Variants in SPATS2 observed in about 807,000 individuals in gnomAD.
SPATS2 encodes spermatogenesis associated serine rich 2.
In SPATS2, 38 loss-of-function variants were observed where a neutral mutation model predicts 63.7. The observed-to-expected ratio is 0.60, with a 90% CI of 0.46 to 0.78. The LOEUF (loss-of-function observed/expected upper bound fraction) is 0.78, where lower values mean the gene tolerates loss of function less well. Among genes scored for constraint, SPATS2 ranks in the 30% least tolerant of loss-of-function variants. The pLI, the probability that SPATS2 is intolerant of heterozygous loss-of-function variation, is 0.00. For missense variants in SPATS2, 588 were observed against 666.2 expected (o/e 0.88, Z 1.29); for synonymous variants, 207 against 232.9 (o/e 0.89, Z 1.01).
chr12:49,370,404 G>T (rs1465746137), intron 1 of SPATS2, among the ~76,000 whole-genome samples: 5 of 152,148 alleles, frequency 3.3e-5, no homozygotes, highest in Non-Finnish European at 7.4e-5. Flanking sequence ...GGAAAAGCTT[G>T]TATTTTTTGG....
rs144847467 is a variant in SPATS2, at chr12:49,411,673, T to C, written c.-244+40383T>C. 3.9e-3 allele frequency among the ~76,000 whole-genome samples: 601 copies of C among 152,298 alleles called. 5 individuals carry two copies. The highest frequency in any genetic ancestry group is 0.014 in the African/African-American group (580 of 41,570). On this transcript the variant is annotated intron_variant, in intron 2 of 13. Transcript: ENST00000552918. ...GCTTAAAAAATCAAGCATTTGACAGTCTAGGAAAAAGTGAAAAAAGGTTAA... is the reference window on the plus strand; with the variant it reads ...GCTTAAAAAATCAAGCATTTGACAGCCTAGGAAAAAGTGAAAAAAGGTTAA...
chr12:49,503,005 C>T (rs943494421), intron 9 of SPATS2, among the ~76,000 whole-genome samples: 11 of 152,206 alleles, frequency 7.2e-5, no homozygotes, highest in African/African-American at 2.2e-4. Context: ...GGAGGAAGCA[C>T]CATGCCCTTT....
upstream of SPATS2, chr12:49,367,437 G>C: frequency 1.0e-5 from 4 of 400,646 alleles, no homozygotes; most frequent in East Asian, 1.4e-4. Context: ...GTCCGGCTCT[G>C]AGAGAGCTGG....
At chr12:49,472,339 T>C (rs2137759456) in intron 3 of SPATS2, among the ~76,000 whole-genome samples, 1 of 151,906 alleles carries the variant, frequency 6.6e-6, no homozygotes, top group South Asian at 2.1e-4. Flanking sequence ...AGGAAAGACT[T>C]TAAAAATAAA....
intron 9 of SPATS2, among the ~76,000 whole-genome samples, chr12:49,513,785 C>G (rs1379891410): frequency 6.6e-6 from 1 of 152,074 alleles, no homozygotes; most frequent in African/African-American, 2.4e-5. Flanking sequence ...TTACTATGCC[C>G]TAGTGGGGAT....
At chr12:49,473,275 A>G (rs867553352) in intron 3 of SPATS2, among the ~76,000 whole-genome samples, 3 of 151,936 alleles carry the variant, frequency 2.0e-5, no homozygotes, top group Non-Finnish European at 2.9e-5. Context: ...AATTAGCTGG[A>G]CGTGGTAACA....
At position 49,497,088 on chromosome 12, in the gene SPATS2, A is replaced by G. The variant is rs900396461; in HGVS notation, c.703+79A>G. 16 of 1,384,482 alleles carry G rather than the reference A, an allele frequency of 1.2e-5. No homozygotes were observed. In the African/African-American group the frequency reaches 1.7e-4, roughly 15 times the overall value. 85.8% of individuals were successfully genotyped at this position (1,384,482 alleles called of 1,614,324 possible). ...AAGAGGGCAAATTATCTCTGTTGCC[A>G]TAAATAAGGTTTCAGAAGGGCATCA... On this transcript the variant is annotated intron_variant, in intron 8 of 13. Transcript: ENST00000552918.
At chr12:49,382,702 T>TTTTG in intron 2 of SPATS2, among the ~76,000 whole-genome samples, 1 of 152,318 alleles carries the variant, frequency 6.6e-6, no homozygotes, top group East Asian at 1.9e-4. Flanking sequence ...TATTTTTGTA[T>TTTTG]TTTGTTTGTT....
intron 2 of SPATS2, chr12:49,389,590 A>G: frequency 2.8e-6 from 3 of 1,062,666 alleles, no homozygotes; most frequent in Non-Finnish European, 4.4e-6. Flanking sequence ...ACGACGATGC[A>G]GCAGAAACTC....
intron 2 of SPATS2, among the ~76,000 whole-genome samples, chr12:49,389,109 T>C (rs550989654): frequency 3.9e-5 from 6 of 152,304 alleles, no homozygotes; most frequent in African/African-American, 1.2e-4. Flanking sequence ...GCATACTTAC[T>C]GAAGTCCAAG....
chr12:49,432,795 A>G (rs901593026), intron 2 of SPATS2, among the ~76,000 whole-genome samples: 3 of 152,142 alleles, frequency 2.0e-5, no homozygotes, highest in Admixed American at 1.3e-4. Flanking sequence ...TCTTGTATGT[A>G]TATACCACAT....
At chr12:49,382,445 T>A (rs1039373695) in intron 2 of SPATS2, among the ~76,000 whole-genome samples, 1 of 152,258 alleles carries the variant, frequency 6.6e-6, no homozygotes, top group Non-Finnish European at 1.5e-5. Context: ...TTTTATACCG[T>A]ATGAAGTGCT....
chr12:49,509,015 G>A (rs1397746290), intron 9 of SPATS2, among the ~76,000 whole-genome samples: 1 of 151,996 alleles, frequency 6.6e-6, no homozygotes, highest in African/African-American at 2.4e-5. Flanking sequence ...AGTGAGCCGA[G>A]ATCATGCCAC....
intron 2 of SPATS2, among the ~76,000 whole-genome samples, chr12:49,404,329 T>C (rs932537609): frequency 6.7e-6 from 1 of 150,234 alleles, no homozygotes; most frequent in African/African-American, 2.4e-5. Flanking sequence ...CTCTGTTGCC[T>C]AGACTGGGGT....
At chr12:49,382,531 G>A (rs1944240668) in intron 2 of SPATS2, among the ~76,000 whole-genome samples, 1 of 152,188 alleles carries the variant, frequency 6.6e-6, no homozygotes, top group African/African-American at 2.4e-5. Flanking sequence ...TGTAGAGTGT[G>A]TGAAGCAAAA....
At chr12:49,462,223 C>A (rs137955654) in intron 3 of SPATS2, 1 of 688,804 alleles carries the variant, frequency 1.5e-6, no homozygotes. Flanking sequence ...TTCCCTGGCC[C>A]CTTTGCAGGA....
At chr12:49,431,450 G>A (rs373608620) in intron 2 of SPATS2, among the ~76,000 whole-genome samples, 2 of 152,058 alleles carry the variant, frequency 1.3e-5, no homozygotes, top group East Asian at 1.9e-4. Flanking sequence ...GGGTTTCACC[G>A]TGTTGGTCAG....
At chr12:49,441,517 A>C (rs975202268) in intron 2 of SPATS2, among the ~76,000 whole-genome samples, 2 of 152,062 alleles carry the variant, frequency 1.3e-5, no homozygotes, top group South Asian at 2.1e-4. Flanking sequence ...CTACTTCTTT[A>C]TTAGTCCACT....
intron 9 of SPATS2, among the ~76,000 whole-genome samples, chr12:49,503,345 A>C (rs923422700): frequency 6.7e-6 from 1 of 148,364 alleles, no homozygotes; most frequent in Non-Finnish European, 1.5e-5. Context: ...GCGAGACTCC[A>C]TCTCAAAAAA....
Sources: gnomAD v4.1 joint callset for allele counts (sites outside exome capture counted in the v4.1 genomes callset) on GRCh38, gnomAD v4.1.1 for gene constraint, MANE v1.5 for transcripts, NCBI Gene and HGNC (gene_info 2026-07-23, HGNC 2026-07-21) for gene names.